The following PEX1 variants were observed in gnomAD, a reference collection of about 807,000 sequenced individuals.
PEX1 encodes the protein peroxisomal biogenesis factor 1, also known as peroxisomal ATPase PEX1.
PEX1 carries 97 observed loss-of-function variants against 152.5 expected under a neutral mutation model. The observed-to-expected ratio is 0.64, with a 90% CI of 0.54 to 0.75. PEX1 has a LOEUF of 0.75. Ranked by LOEUF, PEX1 falls within the 30% of genes least tolerant of loss-of-function variation. The probability of loss-of-function intolerance (pLI) is 0.00; values close to 1 mark genes in which losing one functional copy is unlikely to be tolerated. For missense variants in PEX1, 1,357 were observed against 1,516.3 expected, an observed-to-expected ratio of 0.89 and a Z score of 1.74; for synonymous variants, 485 against 531.6, an observed-to-expected ratio of 0.91 and a Z score of 1.21.
At chr7:92,522,065 A>G in intron 2 of PEX1, 37 bp downstream of exon 2, 1 of 1,599,534 alleles carries the variant, frequency 6.3e-7, no homozygotes, top group Non-Finnish European at 8.6e-7. Flanking sequence ...ATATTATGTG[A>G]TATTAGAAGA....
chr7:92,528,030 G>A (rs917359829), intron 1 of PEX1, among the ~76,000 whole-genome samples: 1 of 152,246 alleles, frequency 6.6e-6, no homozygotes, highest in African/African-American at 2.4e-5. Flanking sequence ...TTTCCAGCCT[G>A]GAATAAGGAA....
rs1585206248 is a variant in PEX1, at chr7:92,487,552, A to G, written c.3768-11T>C. ...TGAAAGCTTTCATATCTGAAAAAAG[A>G]AAGAGATAATTTAATATGTATAAAT... On this transcript the variant is annotated splice_polypyrimidine_tract_variant and intron_variant, in intron 23 of 23. Coordinates refer to ENST00000248633, the MANE Select transcript of PEX1 (RefSeq NM_000466.3). 9 of 1,369,042 alleles carry G rather than the reference A, an allele frequency of 6.6e-6. 1 individual carries two copies. The Admixed American group carries it at 1.4e-4, about 21-fold the overall frequency. The allele number at this position is 1,369,042 out of a possible 1,614,324, so 84.8% of individuals were successfully genotyped here.
chr7:92,528,387 C>T lies in PEX1; in HGVS notation c.49G>A (p.Val17Met). The change falls in exon 1 of 24, where the codon GTG (valine) becomes ATG (methionine). Residue 17 changes from valine to methionine, a missense_variant. Transcript: ENST00000248633. ...CGAGCGTTGGTGAAGGCCACAGTCA[C>T]TGCCGCCCCGCCTCCCCCAGCACCC... ...LAGAGGGGAA[V>M]TVAFTNARDC... The T allele has an allele frequency of 1.9e-6, 3 of 1,592,786 alleles. No individual in the cohort carries two copies. The highest frequency in any genetic ancestry group is 1.1e-5 in the South Asian group (1 of 88,594).
intron 19 of PEX1, 98 bp from the exon 20 acceptor site, chr7:92,493,227 A>C (rs992982088): frequency 1.6e-5 from 11 of 706,202 alleles, no homozygotes; most frequent in Admixed American, 5.4e-5. Context: ...TTAACCTTAT[A>C]TATCTAAAAA....
intron 1 of PEX1, 37 bp from the exon 2 acceptor site, chr7:92,522,282 G>A (rs200431374): frequency 3.5e-4 from 554 of 1,602,836 alleles, no homozygotes; most frequent in Non-Finnish European, 4.4e-4. Flanking sequence ...AAAGGTTTTC[G>A]TATACATTTT....
chr7:92,523,326 C>CT lies in PEX1; in HGVS notation c.130-1082dup, dbSNP rs748738315. 9.7e-4 allele frequency among the ~76,000 whole-genome samples: 141 copies of CT among 145,880 alleles called. No individual in the cohort carries two copies. In the South Asian group the frequency reaches 9.9e-3, roughly 10 times the overall value. On this transcript the variant is annotated intron_variant, in intron 1 of 23. Coordinates refer to ENST00000248633, the MANE Select transcript of PEX1 (RefSeq NM_000466.3). ...ATATTGCATCATAAGCATTTTCGAA[C>CT]TTTTTTTTTTTTTGAGACAGGATTT... is the stretch of plus-strand genomic sequence containing the variant.
chr7:92,494,709 ATTTAT>A (rs1279674121), intron 17 of PEX1, 80 bp from the exon 18 acceptor site: 5 of 1,081,972 alleles, frequency 4.6e-6, no homozygotes, highest in Non-Finnish European at 5.4e-6. Flanking sequence ...ATATGAATGT[ATTTAT>A]TTTATGTATT....
At chr7:92,510,739 A>G in intron 8 of PEX1, 2 of 415,348 alleles carry the variant, frequency 4.8e-6, no homozygotes, top group Non-Finnish European at 8.7e-6. Context: ...TAAGGCATTC[A>G]TTTTTAAATT....
At chr7:92,504,358 T>C (rs759278035) in intron 12 of PEX1, among the ~76,000 whole-genome samples, 4 of 152,146 alleles carry the variant, frequency 2.6e-5, no homozygotes, top group Non-Finnish European at 5.9e-5. Flanking sequence ...GCCATCATTA[T>C]TAGTATCGTT....
In PEX1 at chr7:92,487,463, TA is replaced by T; in HGVS notation, c.3845del (p.Leu1282Ter). 6.4e-7 allele frequency: 1 copy of T among 1,563,562 alleles called. No homozygotes were observed. Among genetic ancestry groups the T allele is most frequent in the Non-Finnish European group, 8.8e-7 (1 of 1,138,372 alleles). On this transcript the variant is annotated frameshift_variant, in exon 24 of 24. Coordinates refer to ENST00000248633, the MANE Select transcript of PEX1 (RefSeq NM_000466.3). LOFTEE classifies it high-confidence loss of function. The stretch of plus-strand genomic sequence containing the variant: ...AATCAAAAAGAAGTATATTTTATGC[TA>T]AAGTTACTTTCTGTCCAGGTCGAAA... Reference protein sequence around the residue: ...TMFRPGQKVTLA With the variant: ...TMFRPGQKVTXA
Position 92,515,063 on chromosome 7 carries a change from T to TTATCTATCTATCTATC in PEX1, c.1240-1097_1240-1096insGATAGATAGATAGATA, listed in dbSNP as rs1562863687. ...CTCCGTCTCAAGAAAAAAAAAAAAA[T>TTATCTATCTATCTATC]TATCTATATATATATATATATATAT... On this transcript the variant is annotated intron_variant, in intron 5 of 23. Coordinates refer to ENST00000248633, the MANE Select transcript of PEX1 (RefSeq NM_000466.3). Among the ~76,000 whole-genome samples the TTATCTATCTATCTATC allele has an allele frequency of 6.2e-5, 5 of 81,060 alleles. No homozygotes were observed. The South Asian group carries it at 1.2e-3, about 20-fold the overall frequency. 53.2% of individuals were successfully genotyped at this position (81,060 alleles called of 152,430 possible). A position where few individuals can be genotyped will look rare whatever the true frequency, so the allele number is the denominator to read the frequency against.
intron 21 of PEX1, chr7:92,490,250 A>G (rs963975860): frequency 7.0e-6 from 2 of 287,294 alleles, no homozygotes; most frequent in East Asian, 9.3e-5. Context: ...ACATTTCTAA[A>G]TAGAATAAAT....
intron 10 of PEX1, 122 bp downstream of exon 10, chr7:92,506,872 T>C: frequency 2.2e-6 from 2 of 927,696 alleles, no homozygotes; most frequent in East Asian, 2.4e-5. Context: ...CCATATGTCG[T>C]ATAAACCCTA....
At chr7:92,514,735 A>T (rs1216644781) in intron 5 of PEX1, among the ~76,000 whole-genome samples, 1 of 152,186 alleles carries the variant, frequency 6.6e-6, no homozygotes, top group Non-Finnish European at 1.5e-5. Flanking sequence ...AAATATACTA[A>T]AAATGACTGA....
At position 92,494,394 on chromosome 7, in the gene PEX1, C is replaced by T. The variant is rs200453149; in HGVS notation, c.2929G>A (p.Val977Ile). The T allele has an allele frequency of 7.4e-6, 12 of 1,613,800 alleles. No individual in the cohort carries two copies. In the East Asian group the frequency reaches 2.7e-4, roughly 36 times the overall value. Residue 977 changes from valine (V) to isoleucine (I), a missense_variant and splice_region_variant, in exon 19 of 24, where the codon GTT becomes ATT. Physicochemically the swap from Val to Ile is conservative, Grantham distance 29. Coordinates refer to ENST00000248633, the MANE Select transcript of PEX1 (RefSeq NM_000466.3). ...CGACTAGTAGCAGCCAATACATAAA[C>T]ACCTAGAGGAAAAAAGAACATTTTT... ...QLDGVEGLQG[V>I]YVLAATSRPD...
Position 92,517,284 on chromosome 7 carries a change from T to C in PEX1, c.1231A>G (p.Lys411Glu). 1.2e-6 allele frequency: 2 copies of C among 1,613,394 alleles called. No homozygotes were observed. The highest frequency in any genetic ancestry group is 1.7e-6 in the Non-Finnish European group (2 of 1,179,436). The change falls in exon 5 of 24, where the codon AAA becomes GAA. Residue 411 changes from lysine (K) to glutamate (E), a missense_variant. Lys to Glu is a moderately conservative substitution (Grantham distance 56). Coordinates refer to ENST00000248633, the MANE Select transcript of PEX1 (RefSeq NM_000466.3). The part of the protein sequence containing the change: ...TKNVEVLHLG[K>E]VWIPDDLRKR... ...ATAAAATTTATACTAACCCAGACTT[T>C]CCCAAGATGGAGAACTTCTACATTT... is the stretch of plus-strand genomic sequence containing the variant.
chr7:92,518,095 A>ATGC (rs1562867209), intron 4 of PEX1, 46 bp downstream of exon 4: 1 of 1,607,822 alleles, frequency 6.2e-7, no homozygotes, highest in African/African-American at 1.3e-5. Context: ...TTTGGACTCA[A>ATGC]TGCTATAGTG....
In PEX1 at chr7:92,518,827, C is replaced by T. The variant is rs1585256789; in HGVS notation, c.357+168G>A. 4.5e-5 allele frequency: 29 copies of T among 638,882 alleles called. No individual in the cohort carries two copies. The East Asian group carries it at 8.3e-4, about 18-fold the overall frequency. The allele number at this position is 638,882 out of a possible 1,614,324, so 39.6% of individuals were successfully genotyped here. The stretch of plus-strand genomic sequence containing the variant: ...TCAAGCAATCCACCTGCCTTGGCCT[C>T]CCAAAGTGCTGGGACTATAGGCATG... On this transcript the variant is annotated intron_variant, in intron 3 of 23. Transcript: ENST00000248633.
Position 92,517,381 on chromosome 7 carries a change from ATCT to A in PEX1, c.1131_1133del (p.Glu377del), listed in dbSNP as rs1230438218. ...CTACTTGTAGCACACAGGCCTTCTC[ATCT>A]TCTTCATTATGATCTGACCTAATTT... On this transcript the variant is annotated inframe_deletion, in exon 5 of 24. Coordinates refer to ENST00000248633, the MANE Select transcript of PEX1 (RefSeq NM_000466.3). The A allele has an allele frequency of 1.2e-6, 2 of 1,613,368 alleles. No individual in the cohort carries two copies. Among genetic ancestry groups the A allele is most frequent in the African/African-American group, 1.3e-5 (1 of 74,786 alleles).
Sources: gnomAD v4.1 joint callset for allele counts (sites outside exome capture counted in the v4.1 genomes callset) on GRCh38, gnomAD v4.1.1 for gene constraint, MANE v1.5 for transcripts, NCBI Gene and HGNC (gene_info 2026-07-23, HGNC 2026-07-21) for gene names.